The following EIF2AK4 variants were observed in gnomAD, a reference collection of about 807,000 sequenced individuals.
EIF2AK4 encodes the protein eukaryotic translation initiation factor 2 alpha kinase 4, also known as eIF-2-alpha kinase GCN2.
A neutral mutation model predicts 211.1 loss-of-function variants in EIF2AK4; 139 were observed. That is an observed-to-expected ratio of 0.66 (90% CI 0.57 to 0.76). EIF2AK4 has a LOEUF of 0.76. Ranked by LOEUF, EIF2AK4 falls within the 30% of genes least tolerant of loss-of-function variation. EIF2AK4 has a pLI of 0.00. For synonymous variants in EIF2AK4, 710 were observed against 751.3 expected, an observed-to-expected ratio of 0.94 and a Z score of 0.90; for missense variants, 1,664 against 2,043.8, an observed-to-expected ratio of 0.81 and a Z score of 3.58.
At chr15:39,966,105 C>T (rs1055544296) in intron 8 of EIF2AK4, among the ~76,000 whole-genome samples, 2 of 152,306 alleles carry the variant, frequency 1.3e-5, no homozygotes, top group Non-Finnish European at 2.9e-5. Context: ...TAACAGTCAT[C>T]TTTCCAACTG....
intron 13 of EIF2AK4, among the ~76,000 whole-genome samples, chr15:39,978,527 C>T (rs563081519): frequency 3.3e-5 from 5 of 152,310 alleles, no homozygotes; most frequent in Admixed American, 1.3e-4. Context: ...GTCTGTCCCA[C>T]GTCAATTAAT....
At chr15:39,951,116 A>G (rs1267577084) in intron 4 of EIF2AK4, among the ~76,000 whole-genome samples, 2 of 152,230 alleles carry the variant, frequency 1.3e-5, no homozygotes. Flanking sequence ...ATTCAGAAGT[A>G]TCAGGAATAA....
At chr15:40,032,026 A>G in intron 35 of EIF2AK4, 143 bp from the exon 36 acceptor site, 1 of 758,052 alleles carries the variant, frequency 1.3e-6, no homozygotes. Flanking sequence ...GTACCCAGCC[A>G]AGGGCAAACC....
intron 4 of EIF2AK4, among the ~76,000 whole-genome samples, chr15:39,950,382 C>T (rs1057156873): frequency 3.3e-5 from 5 of 151,960 alleles, no homozygotes; most frequent in Non-Finnish European, 5.9e-5. Context: ...CACTTGAGGC[C>T]AGGAGTTCGA....
chr15:40,024,741 T>C (rs544133786), intron 32 of EIF2AK4, among the ~76,000 whole-genome samples: 128 of 150,044 alleles, frequency 8.5e-4, no homozygotes, highest in African/African-American at 2.9e-3. Flanking sequence ...TTTTTTTTGT[T>C]TTTTTTTTTG....
At chr15:39,993,082 ATCCATCCATCCATCCATCC>A (rs2034969567) in intron 18 of EIF2AK4, among the ~76,000 whole-genome samples, 1 of 150,614 alleles carries the variant, frequency 6.6e-6, no homozygotes, top group Admixed American at 6.6e-5. Flanking sequence ...CCATTCATCC[ATCCATCCATCCATCCATCC>A]ATCCACCCAC....
At chr15:39,960,842 AG>A (rs1211993115) in intron 6 of EIF2AK4, among the ~76,000 whole-genome samples, 1 of 152,224 alleles carries the variant, frequency 6.6e-6, no homozygotes, top group Non-Finnish European at 1.5e-5. Flanking sequence ...GCCAATGCCA[AG>A]TAACTTTATA....
rs754482798 is a variant in EIF2AK4, at chr15:40,001,108, C to A, written c.3043C>A (p.Leu1015Met). The change falls in exon 21 of 39, where the codon CTG (leucine) becomes ATG (methionine). Residue 1015 changes from leucine (L) to methionine (M), a missense_variant. Transcript: ENST00000263791. Reference sequence around the variant, plus strand: ...GGAGGAGTCAGAGCTGCATGAAGTGCTGCACCACACGCTGACCAACGTGGA... The same window carrying A: ...GGAGGAGTCAGAGCTGCATGAAGTGATGCACCACACGCTGACCAACGTGGA... ...QMEESELHEV[L>M]HHTLTNVDGK... The A allele has an allele frequency of 6.2e-7, 1 of 1,614,072 alleles. No homozygotes were observed. Among genetic ancestry groups the A allele is most frequent in the African/African-American group, 1.3e-5 (1 of 74,912 alleles).
At chr15:39,943,197 G>A (rs1222702831) in intron 2 of EIF2AK4, among the ~76,000 whole-genome samples, 186 bp from the exon 3 acceptor site, 1 of 152,196 alleles carries the variant, frequency 6.6e-6, no homozygotes, top group Non-Finnish European at 1.5e-5. Flanking sequence ...GCTTTGGCCA[G>A]CCCACTTCTT....
At chr15:39,939,460 G>T in intron 1 of EIF2AK4, 45 bp from the exon 2 acceptor site, 2 of 1,288,984 alleles carry the variant, frequency 1.6e-6, no homozygotes, top group Non-Finnish European at 1.1e-6. Context: ...TTAATGATTG[G>T]CTCTACAGCT....
At chr15:39,955,537 T>G (rs1487525146) in intron 5 of EIF2AK4, 83 bp from the exon 6 acceptor site, 1 of 1,397,642 alleles carries the variant, frequency 7.2e-7, no homozygotes, top group African/African-American at 1.5e-5. Flanking sequence ...ATTTGCATTC[T>G]ATACTGAATT....
At position 39,949,098 on chromosome 15, in the gene EIF2AK4, T is replaced by C; in HGVS notation, c.361-18T>C. 1 of 1,604,656 alleles carries C rather than the reference T, an allele frequency of 6.2e-7. No homozygotes were observed. The highest frequency in any genetic ancestry group is 8.5e-7 in the Non-Finnish European group (1 of 1,172,002). On this transcript the variant is annotated intron_variant, in intron 3 of 38. Coordinates refer to ENST00000263791, the MANE Select transcript of EIF2AK4 (RefSeq NM_001013703.4). ...CATTATTTGATCATTTGTGGTTGATTTTTGTTTACATGTTTAGGTGATGAT... is the reference window on the plus strand; with the variant it reads ...CATTATTTGATCATTTGTGGTTGATCTTTGTTTACATGTTTAGGTGATGAT...
chr15:40,005,866 C>T (rs964712813), intron 23 of EIF2AK4, among the ~76,000 whole-genome samples: 3 of 152,028 alleles, frequency 2.0e-5, no homozygotes, highest in Admixed American at 1.3e-4. Context: ...CCACCGCACC[C>T]GGCCTGCATA....
Position 39,967,697 on chromosome 15 carries a change from T to A in EIF2AK4, c.1371T>A (p.Asp457Glu). 1.9e-6 allele frequency: 3 copies of A among 1,614,238 alleles called. No homozygotes were observed. Among genetic ancestry groups the A allele is most frequent in the Non-Finnish European group, 2.5e-6 (3 of 1,180,044 alleles). Residue 457 changes from aspartate to glutamate, a missense_variant, in exon 9 of 39, where the codon GAT becomes GAA. Around this residue, in one of 7 missense-constraint regions of EIF2AK4, gnomAD observed 641 missense variants for 729.6 expected, o/e 0.88. Transcript: ENST00000263791. ...SKRLADICKE[D>E]VFEQTRVRFS... ...GCCTCGCAGACATTTGCAAGGAGGA[T>A]GTGTTTGAGCAAACCCGAGTTCGTT... is the stretch of plus-strand genomic sequence containing the variant.
intron 5 of EIF2AK4, 99 bp from the exon 6 acceptor site, chr15:39,955,521 C>T: frequency 8.2e-7 from 1 of 1,224,374 alleles, no homozygotes. Context: ...AAACATTCAG[C>T]TTAAAATTTG....
chr15:39,998,257 G>GTTTTTTTTTTTTTTTT (rs752625722), intron 19 of EIF2AK4, among the ~76,000 whole-genome samples: 19 of 109,722 alleles, frequency 1.7e-4, no homozygotes, highest in Non-Finnish European at 2.6e-4. Context: ...TATGGGTGTG[G>GTTTTTTTTTTTTTTTT]TTTTTTTTTT....
rs911832000 is a variant in EIF2AK4 at position 39,973,777 on chromosome 15, C to T, written c.1818+28C>T. 2.5e-6 allele frequency: 4 copies of T among 1,610,706 alleles called. No homozygotes were observed. In the Admixed American group the frequency reaches 5.0e-5, roughly 20 times the overall value. ...GTGGTACAGAGTCATTCCCAGTCCC[C>T]TTTAGAGCTCCTTCTCTGTTCCATT... is the stretch of plus-strand genomic sequence containing the variant. On this transcript the variant is annotated intron_variant, in intron 11 of 38. Transcript: ENST00000263791.
chr15:40,021,121 T>A, intron 31 of EIF2AK4, 94 bp downstream of exon 31: 1 of 1,381,470 alleles, frequency 7.2e-7, no homozygotes, highest in Non-Finnish European at 9.6e-7. Flanking sequence ...AAACTCTGTT[T>A]ATCTCTGTAA....
chr15:40,035,429 T>C lies in EIF2AK4; in HGVS notation c.*345T>C, dbSNP rs932972671. 1 of 168,310 alleles carries C rather than the reference T, an allele frequency of 5.9e-6. No individual in the cohort carries two copies. The highest frequency in any genetic ancestry group is 1.2e-5 in the Non-Finnish European group (1 of 80,080). The allele number at this position is 168,310 out of a possible 1,614,324, so 10.4% of individuals were successfully genotyped here. ...CTGCAGTGAGCTGTGACTGCGCCAC[T>C]GCACTCCAGTCTGGGACAACAGAGC... On this transcript the variant is annotated 3_prime_UTR_variant, in exon 39 of 39. Transcript: ENST00000263791.
Sources: gnomAD v4.1 joint callset for allele counts (sites outside exome capture counted in the v4.1 genomes callset) on GRCh38, gnomAD v4.1.1 for gene constraint, gnomAD v4.1.1 regional missense constraint, MANE v1.5 for transcripts, NCBI Gene and HGNC (gene_info 2026-07-23, HGNC 2026-07-21) for gene names.